THBS3: variants seen among roughly 807,000 people sequenced by gnomAD.
THBS3 encodes the protein thrombospondin-3.
THBS3 carries 78 observed loss-of-function variants against 118.3 expected under a neutral mutation model. The observed-to-expected ratio is 0.66, with a 90% CI of 0.55 to 0.80. The LOEUF (loss-of-function observed/expected upper bound fraction) is 0.80. THBS3 is among the 30% of genes least tolerant of loss of function. THBS3 has a pLI of 0.00. For synonymous variants in THBS3, 427 were observed against 475.3 expected (o/e 0.90, Z 1.32); for missense variants, 1,057 against 1,247.4 (o/e 0.85, Z 2.30).
At chr1:155,208,818 G>GA (rs752637621), upstream of THBS3, 1 of 1,561,004 alleles carries the variant, frequency 6.4e-7, no homozygotes. Flanking sequence ...CTGCTCGGGG[G>GA]ACCCCCCCGC....
intron 21 of THBS3, 118 bp from the exon 22 acceptor site, chr1:155,196,244 G>A: frequency 8.0e-7 from 1 of 1,247,936 alleles, no homozygotes; most frequent in Non-Finnish European, 1.1e-6. Context: ...AGGCCTGAGA[G>A]AGAAGGGAGG....
At position 155,203,253 on chromosome 1, in the gene THBS3, C is replaced by T; in HGVS notation, c.726G>A (p.Leu242=). 7 of 1,614,196 alleles carry T rather than the reference C, an allele frequency of 4.3e-6. No individual in the cohort carries two copies. Among genetic ancestry groups the T allele is most frequent in the Non-Finnish European group, 5.1e-6 (6 of 1,180,042 alleles). ...VTQLTLFNQI[L]VELRDDIRDQ... ...CTCGTATATCATCCCGCAGCTCCAC[C>T]AGGATCTGGTTGAAGAGGGTGAGTT... The change falls in exon 6 of 23, where the codon CTG becomes CTA. Residue 242 remains leucine (L), a synonymous_variant. Transcript: ENST00000368378.
upstream of THBS3, chr1:155,208,706 AG>A: frequency 1.1e-6 from 1 of 907,426 alleles, no homozygotes. Context: ...CCCAAGCCCC[AG>A]CCCGGCCTCC....
rs201289086 is a variant in THBS3, at chr1:155,202,823, C to T, written c.946G>A (p.Asp316Asn). ...GLQGNGTHCS[D>N]INECAHADPC... ...CTGACCTCCCTCACCTCATTGATGT[C>T]ACTGCAGTGGGTGCCGTTGCCCTGC... is the stretch of plus-strand genomic sequence containing the variant. The change falls in exon 8 of 23, where the codon GAC becomes AAC. Residue 316 changes from aspartate (D) to asparagine (N), a missense_variant. This residue lies in a region of THBS3 where 544 missense variants were observed against 715.6 expected (regional missense o/e 0.76). Coordinates refer to ENST00000368378, the MANE Select transcript of THBS3 (RefSeq NM_007112.5). The surrounding 1 kb of genome is among the most constrained non-coding windows in gnomAD (Gnocchi z 5.5). 9 of 1,611,996 alleles carry T rather than the reference C, an allele frequency of 5.6e-6. No homozygotes were observed. Among genetic ancestry groups the T allele is most frequent in the Non-Finnish European group, 7.6e-6 (9 of 1,179,172 alleles).
chr1:155,206,064 G>T lies in THBS3; in HGVS notation c.286+136C>A. 2.0e-6 allele frequency: 2 copies of T among 998,140 alleles called. No homozygotes were observed. Among genetic ancestry groups the T allele is most frequent in the Non-Finnish European group, 3.0e-6 (2 of 675,968 alleles). The allele number at this position is 998,140 out of a possible 1,614,324, so 61.8% of individuals were successfully genotyped here. A position where few individuals can be genotyped will look rare whatever the true frequency, so the allele number is the denominator to read the frequency against. On this transcript the variant is annotated intron_variant, in intron 2 of 22. Coordinates refer to ENST00000368378, the MANE Select transcript of THBS3 (RefSeq NM_007112.5). The surrounding 1 kb of genome is among the most constrained non-coding windows in gnomAD (Gnocchi z 4.2). ...TAAGCACCCCATACCAGGTGCCCCT[G>T]ATGTCTGGGCACAGCCTGATGGGAC...
At position 155,206,757 on chromosome 1, in the gene THBS3, G is replaced by A. The variant is rs773186491; in HGVS notation, c.80-351C>T. On this transcript the variant is annotated intron_variant, in intron 1 of 22. Coordinates refer to ENST00000368378, the MANE Select transcript of THBS3 (RefSeq NM_007112.5). This position sits in a 1 kb window ranked among gnomAD's most constrained non-coding sequence, Gnocchi z 4.2. ...CTCAGGAGGCTGAGGCAGGAGACTC[G>A]CTTGAACCTGAGAGGTGGAGGTTGC... Among the ~76,000 whole-genome samples, 7 of 152,204 alleles carry A rather than the reference G, an allele frequency of 4.6e-5. 1 individual carries two copies. The South Asian group carries it at 1.0e-3, about 23-fold the overall frequency.
At position 155,202,282 on chromosome 1, in the gene THBS3, G is replaced by T; in HGVS notation, c.1077C>A (p.Asp359Glu). ...KGTQVSGVGI[D>E]YARASKQVCN... ...TGACCTGTTTGCTGGCCCGGGCATA[G>T]TCAATGCCCACACCAGACACCTGTG... The change falls in exon 9 of 23, where the codon GAC becomes GAA. Residue 359 changes from aspartate to glutamate, a missense_variant. Physicochemically the swap from Asp to Glu is conservative, Grantham distance 45. Coordinates refer to ENST00000368378, the MANE Select transcript of THBS3 (RefSeq NM_007112.5). The surrounding 1 kb of genome is among the most constrained non-coding windows in gnomAD (Gnocchi z 5.5). The T allele has an allele frequency of 6.2e-7, 1 of 1,614,072 alleles. No homozygotes were observed. Among genetic ancestry groups the T allele is most frequent in the East Asian group, 2.2e-5 (1 of 44,888 alleles).
At chr1:155,200,249 C>T (rs1669489198) in intron 14 of THBS3, 136 bp from the exon 15 acceptor site, 4 of 1,007,828 alleles carry the variant, frequency 4.0e-6, no homozygotes, top group Admixed American at 2.5e-5. Context: ...TTGTCTCACC[C>T]TCTAGTCCAC....
intron 21 of THBS3, 151 bp downstream of exon 21, chr1:155,196,890 C>G (rs1668758406): frequency 1.4e-6 from 1 of 707,090 alleles, no homozygotes; most frequent in Admixed American, 2.9e-5. Flanking sequence ...TCACCAACAT[C>G]ACTCATAGGT....
chr1:155,200,098 A>C lies in THBS3; in HGVS notation c.1724T>G (p.Leu575Trp). Residue 575 changes from leucine (L) to tryptophan (W), a missense_variant, in exon 15 of 23, where the codon TTG becomes TGG. Leu to Trp is a moderately conservative substitution (Grantham distance 61). Around this residue, in one of 3 missense-constraint regions of THBS3, gnomAD observed 544 missense variants for 715.6 expected, o/e 0.76. Transcript: ENST00000368378. ...DVDGDGIPNGLDNCPKVPNPL... is the reference protein window; with the variant it reads ...DVDGDGIPNGWDNCPKVPNPL... ...GTTGGGGACTTTAGGGCAATTGTCC[A>C]ATCCATTGGGGATGCCTAGAAGACA... The C allele has an allele frequency of 6.3e-7, 1 of 1,576,524 alleles. No individual in the cohort carries two copies. Among genetic ancestry groups the C allele is most frequent in the East Asian group, 2.2e-5 (1 of 44,468 alleles).
chr1:155,206,058 G>T lies in THBS3; in HGVS notation c.286+142C>A. On this transcript the variant is annotated intron_variant, in intron 2 of 22. Coordinates refer to ENST00000368378, the MANE Select transcript of THBS3 (RefSeq NM_007112.5). The surrounding 1 kb of genome is among the most constrained non-coding windows in gnomAD (Gnocchi z 4.2). ...ACCTTATAAGCACCCCATACCAGGT[G>T]CCCCTGATGTCTGGGCACAGCCTGA... The T allele has an allele frequency of 1.1e-6, 1 of 896,430 alleles. No individual in the cohort carries two copies. The highest frequency in any genetic ancestry group is 1.7e-6 in the Non-Finnish European group (1 of 588,684). The allele number at this position is 896,430 out of a possible 1,614,324, so 55.5% of individuals were successfully genotyped here. A position where few individuals can be genotyped will look rare whatever the true frequency, so the allele number is the denominator to read the frequency against.
In THBS3 at chr1:155,198,212, C is replaced by T. The variant is rs374815652; in HGVS notation, c.2083G>A (p.Val695Ile). ...PNQKDSDGNG[V>I]GDVCEDDFDN... is the part of the protein sequence containing the mutation. ...AAGTCATCCTCACACACATCACCAA[C>T]GCCATTGCCTGGGCAGAGTGAGGCT... Residue 695 changes from valine (V) to isoleucine (I), a missense_variant, in exon 18 of 23, where the codon GTT becomes ATT. By Grantham distance (29) the Val-to-Ile change is conservative. Transcript: ENST00000368378. The T allele has an allele frequency of 1.7e-5, 27 of 1,614,002 alleles. No individual in the cohort carries two copies. Among genetic ancestry groups the T allele is most frequent in the Admixed American group, 1.7e-4 (10 of 60,010 alleles).
At position 155,195,863 on chromosome 1, in the gene THBS3, T is replaced by A; in HGVS notation, c.2849A>T (p.Gln950Leu). The change falls in exon 23 of 23, where the codon CAG becomes CTG. Residue 950 changes from glutamine to leucine, a missense_variant. Transcript: ENST00000368378. ...VPEDFEPFRR[Q>L]LLQGRV ...TCCTCACACCCTTCCCTGGAGCAGC[T>A]GCCTCCGGAATGGCTCAAAGTCCTC... The A allele has an allele frequency of 6.2e-7, 1 of 1,614,078 alleles. No individual in the cohort carries two copies. The highest frequency in any genetic ancestry group is 8.5e-7 in the Non-Finnish European group (1 of 1,180,016).
intron 4 of THBS3, 35 bp from the exon 5 acceptor site, chr1:155,203,574 A>G (rs750794815): frequency 1.9e-6 from 3 of 1,612,348 alleles, no homozygotes; most frequent in Admixed American, 1.7e-5. Context: ...CAGAGGGGTG[A>G]GGTGAAGTGA....
chr1:155,197,049 G>C lies in THBS3; in HGVS notation c.2664C>G (p.Gly888=). The C allele has an allele frequency of 6.2e-7, 1 of 1,613,620 alleles. No homozygotes were observed. The highest frequency in any genetic ancestry group is 8.5e-7 in the Non-Finnish European group (1 of 1,179,696). ...RWQLLHRPQV[G]YIRVKLYEGP... is the part of the protein sequence containing the mutation. ...TCAGCCCCTCTCCTTACCGAATGTAGCCAACTTGAGGCCGGTGCAGAAGCT... is the reference window on the plus strand; with the variant it reads ...TCAGCCCCTCTCCTTACCGAATGTACCCAACTTGAGGCCGGTGCAGAAGCT... Residue 888 remains glycine, a synonymous_variant, in exon 21 of 23, where the codon GGC becomes GGG. Coordinates refer to ENST00000368378, the MANE Select transcript of THBS3 (RefSeq NM_007112.5). The surrounding 1 kb of genome is among the most constrained non-coding windows in gnomAD (Gnocchi z 5.0).
At chr1:155,208,848 G>A (rs1204707943), upstream of THBS3, 1 of 1,595,972 alleles carries the variant, frequency 6.3e-7, no homozygotes, top group Non-Finnish European at 8.5e-7. Context: ...TCGGGGACGA[G>A]CCCCAAGGGG....
intron 4 of THBS3, among the ~76,000 whole-genome samples, 168 bp from the exon 5 acceptor site, chr1:155,203,707 T>C (rs1332518134): frequency 6.6e-6 from 1 of 152,202 alleles, no homozygotes; most frequent in Non-Finnish European, 1.5e-5. Flanking sequence ...CAGTGCCAGC[T>C]CCTTCTATGG....
At chr1:155,200,648 C>A (rs758510951) in intron 13 of THBS3, 38 bp from the exon 14 acceptor site, 1 of 1,607,272 alleles carries the variant, frequency 6.2e-7, no homozygotes, top group African/African-American at 1.3e-5. Flanking sequence ...TCAGGTCTCC[C>A]CTAAATCACT....
Position 155,202,306 on chromosome 1 carries a change from T to C in THBS3, c.1053A>G (p.Thr351=). The change falls in exon 9 of 23, where the codon ACA becomes ACG. Residue 351 remains threonine, a synonymous_variant. Transcript: ENST00000368378. This position sits in a 1 kb window ranked among gnomAD's most constrained non-coding sequence, Gnocchi z 5.5. Reference sequence around the variant, plus strand: ...AGTCAATGCCCACACCAGACACCTGTGTGCCCTTGTACCCTCGAGGACAGG... The same window carrying C: ...AGTCAATGCCCACACCAGACACCTGCGTGCCCTTGTACCCTCGAGGACAGG... ...CEACPRGYKG[T]QVSGVGIDYA... The C allele has an allele frequency of 1.9e-6, 3 of 1,614,110 alleles. No homozygotes were observed. The highest frequency in any genetic ancestry group is 1.7e-6 in the Non-Finnish European group (2 of 1,180,022).
Sources: gnomAD v4.1 joint callset for allele counts (sites outside exome capture counted in the v4.1 genomes callset) on GRCh38, gnomAD v4.1.1 for gene constraint, gnomAD v4.1.1 regional missense constraint, Gnocchi (gnomAD v3.1) non-coding constraint, MANE v1.5 for transcripts, NCBI Gene and HGNC (gene_info 2026-07-23, HGNC 2026-07-21) for gene names.